EIF4G3: variants seen among roughly 807,000 people sequenced by gnomAD.
EIF4G3 encodes eukaryotic translation initiation factor 4 gamma 3.
A neutral mutation model predicts 186.4 loss-of-function variants in EIF4G3; 34 were observed. The observed-to-expected ratio is 0.18, with a 90% confidence interval of 0.14 to 0.24. EIF4G3 has a LOEUF of 0.24. Among genes scored for constraint, EIF4G3 ranks in the 10% least tolerant of loss-of-function variants. The pLI is 1.00. For synonymous variants in EIF4G3, 673 were observed against 679.5 expected (o/e 0.99, Z 0.15); for missense variants, 1,536 against 1,948.5 (o/e 0.79, Z 3.99).
Position 21,084,376 on chromosome 1 carries a change from G to C in EIF4G3, c.-196+4762C>G, listed in dbSNP as rs1019325454. Among the ~76,000 whole-genome samples the C allele has an allele frequency of 4.6e-5, 7 of 152,248 alleles. No individual in the cohort carries two copies. The East Asian group carries it at 1.4e-3, about 29-fold the overall frequency. ...CTTACATGATGGCAGGAGAGAGAGA[G>C]AGAGCAAGGGGAGAAGTGCCACACC... On this transcript the variant is annotated intron_variant, in intron 3 of 36. Transcript: ENST00000602326.
intron 34 of EIF4G3, among the ~76,000 whole-genome samples, chr1:20,816,951 C>G (rs1281418768): frequency 6.9e-6 from 1 of 144,278 alleles, no homozygotes; most frequent in Admixed American, 7.1e-5. Context: ...AACCCCAACC[C>G]TGTGCTCTCT....
rs1553394546 is a variant in EIF4G3 at position 20,989,081 on chromosome 1, G to GGGAGA, written c.178-6678_178-6674dup. 8.5e-3 allele frequency among the ~76,000 whole-genome samples: 315 copies of GGGAGA among 36,852 alleles called. 7 individuals are homozygous for GGGAGA. The highest frequency in any genetic ancestry group is 0.021 in the East Asian group (32 of 1,512). The allele number at this position is 36,852 out of a possible 152,430, so 24.2% of individuals were successfully genotyped here. ...AGGAGGGGAGGGGAGGGGAGGGGAGGGGAGAGGAGAGGAGAGGAGAGGAGA... is the reference window on the plus strand; with the variant it reads ...AGGAGGGGAGGGGAGGGGAGGGGAGGGGAGAGGAGAGGAGAGGAGAGGAGAGGAGA... On this transcript the variant is annotated intron_variant, in intron 7 of 36. Transcript: ENST00000602326.
At chr1:20,958,779 A>G (rs1363208828) in intron 12 of EIF4G3, among the ~76,000 whole-genome samples, 1 of 152,182 alleles carries the variant, frequency 6.6e-6, no homozygotes, top group East Asian at 1.9e-4. Context: ...AATTAAATCA[A>G]GAATTCAATA....
intron 2 of EIF4G3, among the ~76,000 whole-genome samples, chr1:21,092,376 T>A (rs1353965656): frequency 1.3e-5 from 2 of 152,196 alleles, no homozygotes; most frequent in African/African-American, 4.8e-5. Flanking sequence ...TTTGATGTGC[T>A]GCTGGATTCG....
At chr1:21,159,755 C>T (rs751349304) in intron 2 of EIF4G3, among the ~76,000 whole-genome samples, 2 of 152,020 alleles carry the variant, frequency 1.3e-5, no homozygotes, top group Non-Finnish European at 2.9e-5. Flanking sequence ...TCAACTGAGG[C>T]TGGGAGTTTG....
chr1:20,910,401 T>C (rs1036196997), intron 14 of EIF4G3, among the ~76,000 whole-genome samples: 1 of 152,110 alleles, frequency 6.6e-6, no homozygotes, highest in East Asian at 1.9e-4. Context: ...CTGGCCAACA[T>C]AGTGAAATCC....
intron 29 of EIF4G3, among the ~76,000 whole-genome samples, chr1:20,844,580 G>A (rs149105131): frequency 3.4e-4 from 52 of 152,010 alleles, no homozygotes; most frequent in African/African-American, 1.2e-3. Flanking sequence ...GGTGGCTTAC[G>A]CCTGTAATCC....
At chr1:20,822,355 CTTTTTTTTTTTT>C (rs57050580) in intron 33 of EIF4G3, among the ~76,000 whole-genome samples, 5 of 65,052 alleles carry the variant, frequency 7.7e-5, no homozygotes, top group Admixed American at 2.6e-4. Context: ...AAAGAACCAG[CTTTTTTTTTTTT>C]TTTTTTTTTT....
At chr1:21,021,625 G>A (rs1415167008) in intron 4 of EIF4G3, among the ~76,000 whole-genome samples, 3 of 151,880 alleles carry the variant, frequency 2.0e-5, no homozygotes, top group Non-Finnish European at 4.4e-5. Context: ...GTGCAATCTC[G>A]GCTCACTGCA....
intron 2 of EIF4G3, among the ~76,000 whole-genome samples, chr1:21,150,543 A>G (rs978488214): frequency 3.9e-5 from 6 of 152,222 alleles, no homozygotes; most frequent in Non-Finnish European, 8.8e-5. Flanking sequence ...ATTCCTGTGG[A>G]AAATCTAAAC....
At chr1:21,018,827 A>G (rs2089955610) in intron 4 of EIF4G3, among the ~76,000 whole-genome samples, 1 of 152,014 alleles carries the variant, frequency 6.6e-6, no homozygotes, top group Non-Finnish European at 1.5e-5. Context: ...ACCTTTTGCC[A>G]TGAGTAGAAG....
chr1:21,010,886 A>C (rs2086847942), intron 4 of EIF4G3, among the ~76,000 whole-genome samples: 1 of 152,208 alleles, frequency 6.6e-6, no homozygotes, highest in Admixed American at 6.5e-5. Flanking sequence ...TGTTTTCCTC[A>C]GCTAATAAAG....
chr1:21,050,820 C>T (rs1032678465), intron 4 of EIF4G3, 46 bp downstream of exon 4: 2 of 683,040 alleles, frequency 2.9e-6, no homozygotes, highest in South Asian at 1.6e-5. Context: ...AAAAATGATG[C>T]CTTTACAGGG....
chr1:21,059,511 TTC>T (rs1325416044), intron 3 of EIF4G3, among the ~76,000 whole-genome samples: 7 of 151,262 alleles, frequency 4.6e-5, no homozygotes, highest in Non-Finnish European at 8.9e-5. Context: ...ACCATTTGAA[TTC>T]TGTTAATATC....
chr1:20,902,420 A>G lies in EIF4G3; in HGVS notation c.1752+2463T>C, dbSNP rs189577166. Among the ~76,000 whole-genome samples, 587 of 152,276 alleles carry G rather than the reference A, an allele frequency of 3.9e-3. 3 individuals carry two copies. Among genetic ancestry groups the G allele is most frequent in the Non-Finnish European group, 5.0e-3 (339 of 68,010 alleles). ...ATGCAACAACCTAATATGTAACCCA[A>G]ATAAGCTGATACCAGAAACAAATTA... On this transcript the variant is annotated intron_variant, in intron 15 of 36. Coordinates refer to ENST00000602326, the MANE Select transcript of EIF4G3 (RefSeq NM_001391906.1).
intron 2 of EIF4G3, among the ~76,000 whole-genome samples, chr1:21,100,619 T>G (rs2101791733): frequency 6.6e-6 from 1 of 152,222 alleles, no homozygotes; most frequent in Non-Finnish European, 1.5e-5. Flanking sequence ...TCCCAACTAC[T>G]CAGGAGTCTG....
At chr1:21,145,707 T>C (rs1156641697) in intron 2 of EIF4G3, among the ~76,000 whole-genome samples, 1 of 152,172 alleles carries the variant, frequency 6.6e-6, no homozygotes, top group Non-Finnish European at 1.5e-5. Context: ...TAGTAGTCAA[T>C]GTTAGGAATA....
At chr1:20,850,060 T>A (rs1383686597) in intron 28 of EIF4G3, among the ~76,000 whole-genome samples, 3 of 152,182 alleles carry the variant, frequency 2.0e-5, no homozygotes, top group South Asian at 4.1e-4. Context: ...CTATTCTACA[T>A]AGCTCCTTGG....
chr1:21,122,270 C>T (rs2096939368), intron 2 of EIF4G3, among the ~76,000 whole-genome samples: 1 of 151,826 alleles, frequency 6.6e-6, no homozygotes, highest in Admixed American at 6.6e-5. Context: ...TGCTTACCCT[C>T]AGATGGACAA....
Sources: gnomAD v4.1 joint callset for allele counts (sites outside exome capture counted in the v4.1 genomes callset) on GRCh38, gnomAD v4.1.1 for gene constraint, MANE v1.5 for transcripts, NCBI Gene and HGNC (gene_info 2026-07-23, HGNC 2026-07-21) for gene names.